The following DSC1 variants were observed in gnomAD, a reference collection of about 807,000 sequenced individuals.
The protein encoded by DSC1 is desmocollin-1.
In DSC1, 79 loss-of-function variants were observed where a neutral mutation model predicts 98.8. That is an observed-to-expected ratio of 0.80 (90% CI 0.67 to 0.96). The LOEUF (loss-of-function observed/expected upper bound fraction) is 0.96. Among genes scored for constraint, DSC1 ranks in the 50% least tolerant of loss-of-function variants. The pLI, the probability that DSC1 is intolerant of heterozygous loss-of-function variation, is 0.00. For missense variants in DSC1, 1,115 were observed against 1,075.9 expected, an observed-to-expected ratio of 1.04 and a Z score of -0.51; for synonymous variants, 405 against 372.1, an observed-to-expected ratio of 1.09 and a Z score of -1.02.
At chr18:31,133,081 CTG>C (rs1427937421) in intron 13 of DSC1, among the ~76,000 whole-genome samples, 1 of 152,104 alleles carries the variant, frequency 6.6e-6, no homozygotes, top group African/African-American at 2.4e-5. Context: ...AAATTGGTGT[CTG>C]GTTTCAAAAA....
intron 8 of DSC1, among the ~76,000 whole-genome samples, chr18:31,143,145 T>C (rs966064722): frequency 1.1e-4 from 16 of 151,834 alleles, no homozygotes; most frequent in Non-Finnish European, 2.1e-4. Flanking sequence ...ATCACACATA[T>C]ATATATTTAT....
chr18:31,159,248 TTTCA>T (rs1989163867), intron 2 of DSC1, among the ~76,000 whole-genome samples, 193 bp downstream of exon 2: 1 of 142,448 alleles, frequency 7.0e-6, no homozygotes, highest in Non-Finnish European at 1.5e-5. Flanking sequence ...AGAGACGGGG[TTTCA>T]CCTTGTTAGC....
At chr18:31,140,582 CAAGAT>C (rs1170563295) in intron 9 of DSC1, among the ~76,000 whole-genome samples, 1 of 152,018 alleles carries the variant, frequency 6.6e-6, no homozygotes, top group Non-Finnish European at 1.5e-5. Context: ...AATAGAAATG[CAAGAT>C]AAGTGTATGA....
Position 31,134,137 on chromosome 18 carries a change from A to G in DSC1, c.1877-7T>C, listed in dbSNP as rs1348524383. On this transcript the variant is annotated splice_polypyrimidine_tract_variant and splice_region_variant and intron_variant, in intron 12 of 15. Coordinates refer to ENST00000257198, the MANE Select transcript of DSC1 (RefSeq NM_024421.2). ...CGAAGAATGGCAGTTTTACCTAGGG[A>G]AAAAAAAGACAGAATATATATGGAT... 3.1e-6 allele frequency: 5 copies of G among 1,598,014 alleles called. No individual in the cohort carries two copies. Among genetic ancestry groups the G allele is most frequent in the Non-Finnish European group, 3.4e-6 (4 of 1,177,368 alleles).
At chr18:31,158,662 T>C (rs1989147873) in intron 2 of DSC1, among the ~76,000 whole-genome samples, 1 of 152,196 alleles carries the variant, frequency 6.6e-6, no homozygotes, top group South Asian at 2.1e-4. Flanking sequence ...CAAAACTGTA[T>C]TTGATTTTCA....
intron 8 of DSC1, among the ~76,000 whole-genome samples, chr18:31,143,435 C>T (rs1988778894): frequency 1.3e-5 from 2 of 151,678 alleles, no homozygotes; most frequent in Admixed American, 6.6e-5. Flanking sequence ...GGCTAAGAAG[C>T]TCTTCGGTAG....
intron 13 of DSC1, among the ~76,000 whole-genome samples, 179 bp downstream of exon 13, chr18:31,133,712 A>G (rs1174267728): frequency 1.3e-5 from 2 of 152,076 alleles, no homozygotes; most frequent in Non-Finnish European, 2.9e-5. Flanking sequence ...CTGACTTTAA[A>G]TTTAATCTGC....
chr18:31,157,718 A>C (rs1989128345), intron 2 of DSC1, 145 bp from the exon 3 acceptor site: 1 of 740,558 alleles, frequency 1.4e-6, no homozygotes. Flanking sequence ...CTATTCTAAA[A>C]CGTGGGGGCC....
intron 11 of DSC1, among the ~76,000 whole-genome samples, chr18:31,138,434 T>C (rs1988657638): frequency 6.6e-6 from 1 of 152,142 alleles, no homozygotes; most frequent in African/African-American, 2.4e-5. Context: ...CTATAGTTGA[T>C]ATCGTGTAAG....
chr18:31,159,233 T>G (rs1250816917), intron 2 of DSC1, among the ~76,000 whole-genome samples: 1 of 141,610 alleles, frequency 7.1e-6, no homozygotes, highest in African/African-American at 2.6e-5. Flanking sequence ...TTTTGTATTT[T>G]TAGTAGAGAC....
rs1988501327 is a variant in DSC1, at chr18:31,131,902, T to C, written c.2239-60A>G. On this transcript the variant is annotated intron_variant, in intron 14 of 15. Coordinates refer to ENST00000257198, the MANE Select transcript of DSC1 (RefSeq NM_024421.2). ...AAAAATGGAAACTAACAATTCATTTTCATTTTTTTTCACCATAGGCAAATC... is the reference window on the plus strand; with the variant it reads ...AAAAATGGAAACTAACAATTCATTTCCATTTTTTTTCACCATAGGCAAATC... The C allele has an allele frequency of 3.2e-6, 5 of 1,579,070 alleles. No homozygotes were observed. The Admixed American group carries it at 8.8e-5, about 28-fold the overall frequency.
At chr18:31,159,304 C>A (rs1385852174) in intron 2 of DSC1, 141 bp downstream of exon 2, 1 of 662,648 alleles carries the variant, frequency 1.5e-6, no homozygotes, top group East Asian at 3.4e-5. Context: ...CCACCCGCCT[C>A]GGCCTCCCAA....
intron 1 of DSC1, among the ~76,000 whole-genome samples, chr18:31,161,371 C>CATATAT (rs150815803): frequency 2.1e-4 from 32 of 150,652 alleles, no homozygotes; most frequent in African/African-American, 7.8e-4. Context: ...TATAAATGTA[C>CATATAT]ATATATATAT....
At chr18:31,138,754 G>GAA (rs11404108) in intron 11 of DSC1, among the ~76,000 whole-genome samples, 8,479 of 150,614 alleles carry the variant, frequency 0.056, 297 homozygotes, top group East Asian at 0.11. Context: ...ATAGACACAG[G>GAA]AAAAAAAAAC....
rs765468265 is a variant in DSC1 at position 31,156,132 on chromosome 18, C to T, written c.382G>A (p.Ala128Thr). Residue 128 changes from alanine to threonine, a missense_variant, in exon 4 of 16, where the codon GCC (alanine) becomes ACC (threonine). Coordinates refer to ENST00000257198, the MANE Select transcript of DSC1 (RefSeq NM_024421.2). ...CATCGTCTCTTGCTGCGCTTGAGGG[C>T]TGTGTCTTTGGTATGTCTCTTCTTA... The part of the protein sequence containing the change: ...SPKKRHTKDT[A>T]LKRSKRRWAP... The T allele has an allele frequency of 1.2e-6, 2 of 1,614,094 alleles. No individual in the cohort carries two copies. Among genetic ancestry groups the T allele is most frequent in the Admixed American group, 1.7e-5 (1 of 60,006 alleles).
chr18:31,161,980 G>T (rs1989218975), intron 1 of DSC1, among the ~76,000 whole-genome samples: 1 of 152,028 alleles, frequency 6.6e-6, no homozygotes, highest in African/African-American at 2.4e-5. Context: ...CAGTTACAAA[G>T]CTATTAAAAA....
rs1988485867 is a variant in DSC1, at chr18:31,131,414, G to A, written c.2487+180C>T. On this transcript the variant is annotated intron_variant, in intron 15 of 15. Transcript: ENST00000257198. The stretch of plus-strand genomic sequence containing the variant: ...AGTTTTGTAAACTGTATTTTCAAAG[G>A]TGAATTTTCAAAGATCATTTTTATC... The A allele has an allele frequency of 9.4e-6, 8 of 851,200 alleles. No individual in the cohort carries two copies. In the South Asian group the frequency reaches 1.3e-4, roughly 14 times the overall value. 52.7% of individuals were successfully genotyped at this position (851,200 alleles called of 1,614,324 possible).
intron 6 of DSC1, among the ~76,000 whole-genome samples, 189 bp downstream of exon 6, chr18:31,148,309 T>C (rs1568001630): frequency 6.6e-6 from 1 of 152,116 alleles, no homozygotes; most frequent in Non-Finnish European, 1.5e-5. Flanking sequence ...GAAAGTGTGC[T>C]CAGAGTCAAT....
At chr18:31,144,884 T>C (rs1218114580) in intron 7 of DSC1, among the ~76,000 whole-genome samples, 3 of 151,862 alleles carry the variant, frequency 2.0e-5, no homozygotes, top group Non-Finnish European at 4.4e-5. Context: ...GGGAAGGCTA[T>C]GTGTGTTGGG....
Sources: gnomAD v4.1 joint callset for allele counts (sites outside exome capture counted in the v4.1 genomes callset) on GRCh38, gnomAD v4.1.1 for gene constraint, MANE v1.5 for transcripts, NCBI Gene and HGNC (gene_info 2026-07-23, HGNC 2026-07-21) for gene names.